The following GLT8D2 variants were observed in gnomAD, a reference collection of about 807,000 sequenced individuals.
GLT8D2 encodes glycosyltransferase 8 domain containing 2, also known as glycosyltransferase 8 domain-containing protein 2.
A neutral mutation model predicts 44.5 loss-of-function variants in GLT8D2; 45 were observed. The ratio of observed to expected loss-of-function variants is 1.01; its 90% CI spans 0.80 to 1.30. GLT8D2 has a LOEUF of 1.30. Ranked by LOEUF, GLT8D2 falls within the 50% of genes most tolerant of loss-of-function variation. The pLI is 0.00. For missense variants in GLT8D2, 400 were observed against 430.4 expected, an observed-to-expected ratio of 0.93 and a Z score of 0.62; for synonymous variants, 156 against 157.2, an observed-to-expected ratio of 0.99 and a Z score of 0.06.
chr12:104,059,354 G>C (rs1260857472), intron 1 of GLT8D2, among the ~76,000 whole-genome samples: 2 of 152,098 alleles, frequency 1.3e-5, no homozygotes, highest in South Asian at 4.1e-4. Flanking sequence ...GTAATTTCCA[G>C]TGGAGCTGCT....
At chr12:104,049,334 C>T (rs887888434) in intron 1 of GLT8D2, 9 of 151,686 alleles carry the variant, frequency 5.9e-5, no homozygotes. Flanking sequence ...GTGACACTTG[C>T]TTATAAAGTA....
chr12:104,000,786 G>A (rs1874109085), intron 5 of GLT8D2, among the ~76,000 whole-genome samples: 1 of 152,170 alleles, frequency 6.6e-6, no homozygotes, highest in East Asian at 1.9e-4. Context: ...TAAGGAGAGT[G>A]AGAAATGAGA....
intron 9 of GLT8D2, chr12:103,993,970 T>TA (rs1293298584): frequency 6.1e-6 from 1 of 163,436 alleles, no homozygotes; most frequent in Non-Finnish European, 1.3e-5. Context: ...AAATAAACCT[T>TA]AAAAAGCAAA....
chr12:103,993,285 C>A, intron 10 of GLT8D2, 107 bp downstream of exon 10: 1 of 827,830 alleles, frequency 1.2e-6, no homozygotes, highest in South Asian at 1.5e-5. Context: ...GAGCCGAGAT[C>A]ACGCCATTGC....
At chr12:103,992,122 C>T (rs1332103401) in intron 10 of GLT8D2, among the ~76,000 whole-genome samples, 1 of 152,154 alleles carries the variant, frequency 6.6e-6, no homozygotes, top group South Asian at 2.1e-4. Context: ...TCTGGCCCAG[C>T]GGTTTTGGAT....
In GLT8D2 at chr12:104,063,688, T is replaced by C. The variant is rs561156082; in HGVS notation, c.-423+261A>G. Among the ~76,000 whole-genome samples, 32 of 152,344 alleles carry C rather than the reference T, an allele frequency of 2.1e-4. No individual in the cohort carries two copies. In the South Asian group the frequency reaches 6.6e-3, roughly 32 times the overall value. The stretch of plus-strand genomic sequence containing the variant: ...AATCAGAAGCCCTGTGTTGGAATCC[T>C]GGCCCCAGTCTTTTTTTTCAACACC... On this transcript the variant is annotated intron_variant, in intron 1 of 10. Coordinates refer to the GLT8D2 transcript ENST00000548660.
At chr12:104,011,105 C>G (rs1027186307) in intron 4 of GLT8D2, among the ~76,000 whole-genome samples, 2 of 152,220 alleles carry the variant, frequency 1.3e-5, no homozygotes, top group Non-Finnish European at 2.9e-5. Context: ...AAATACTGCT[C>G]TCTGCCAAAA....
Position 103,989,508 on chromosome 12 carries a change from C to G in GLT8D2, c.950G>C (p.Arg317Thr). The change falls in exon 11 of 11, where the codon AGA (arginine) becomes ACA (threonine). Residue 317 changes from arginine (R) to threonine (T), a missense_variant. Transcript: ENST00000360814. Reference protein sequence around the residue: ...QEAKLLHWNGRHKPWDFPSVH... With the variant: ...QEAKLLHWNGTHKPWDFPSVH... ...ACTAGGGAAGTCCCAAGGTTTATGT[C>G]TTCCATTCCAGTGGAGTAATTTAGC... The G allele has an allele frequency of 6.2e-7, 1 of 1,613,692 alleles. No homozygotes were observed. The highest frequency in any genetic ancestry group is 8.5e-7 in the Non-Finnish European group (1 of 1,179,728).
At chr12:104,021,945 GAAGAAGAA>G (rs1566202511) in intron 1 of GLT8D2, among the ~76,000 whole-genome samples, 3 of 24,104 alleles carry the variant, frequency 1.2e-4, no homozygotes, top group African/African-American at 4.3e-4. Context: ...AGAAGAAGAA[GAAGAAGAA>G]GAGGAAGAAG....
At chr12:104,004,925 T>A (rs1035726255) in intron 4 of GLT8D2, among the ~76,000 whole-genome samples, 1 of 152,050 alleles carries the variant, frequency 6.6e-6, no homozygotes, top group African/African-American at 2.4e-5. Flanking sequence ...CATCGCCAAG[T>A]CAATCCTAAG....
rs371224459 is a variant in GLT8D2 at position 104,033,140 on chromosome 12, C to T, written c.-163-11649G>A. Among the ~76,000 whole-genome samples, 9 of 152,250 alleles carry T rather than the reference C, an allele frequency of 5.9e-5. No individual in the cohort carries two copies. The East Asian group carries it at 1.4e-3, about 23-fold the overall frequency. On this transcript the variant is annotated intron_variant, in intron 1 of 10. Transcript: ENST00000360814. ...CAGGTGATCTGCCCACCTCAGCCTC[C>T]CAAAGTGCTGGGATTACAGGTGTGA...
intron 1 of GLT8D2, among the ~76,000 whole-genome samples, chr12:104,030,531 A>T (rs1207340008): frequency 6.6e-6 from 1 of 152,128 alleles, no homozygotes; most frequent in Non-Finnish European, 1.5e-5. Flanking sequence ...AACAAAAACA[A>T]ACAAGTGGGA....
At chr12:104,023,570 T>A (rs759604672) in intron 1 of GLT8D2, among the ~76,000 whole-genome samples, 3 of 152,204 alleles carry the variant, frequency 2.0e-5, no homozygotes, top group Non-Finnish European at 4.4e-5. Flanking sequence ...AATTTCCTTT[T>A]TTTTCTATAG....
At chr12:104,048,988 T>G (rs917130293) in intron 1 of GLT8D2, among the ~76,000 whole-genome samples, 14 of 152,230 alleles carry the variant, frequency 9.2e-5, no homozygotes, top group Non-Finnish European at 1.8e-4. Flanking sequence ...CCCCAGAGCC[T>G]ATGTTCTTAC....
At chr12:104,016,029 G>C (rs1051121118) in intron 3 of GLT8D2, among the ~76,000 whole-genome samples, 4 of 152,138 alleles carry the variant, frequency 2.6e-5, no homozygotes, top group Non-Finnish European at 4.4e-5. Flanking sequence ...TCTGCAAACA[G>C]GATAATTTGA....
In GLT8D2 at chr12:103,994,516, G is replaced by T; in HGVS notation, c.601-15C>A. 1 of 1,584,536 alleles carries T rather than the reference G, an allele frequency of 6.3e-7. No individual in the cohort carries two copies. The highest frequency in any genetic ancestry group is 8.6e-7 in the Non-Finnish European group (1 of 1,163,724). On this transcript the variant is annotated splice_polypyrimidine_tract_variant and intron_variant, in intron 8 of 10. Coordinates refer to ENST00000360814, the MANE Select transcript of GLT8D2 (RefSeq NM_001384711.1). ...ATATATGTGTTCTGTAAGGGAACAG[G>T]ATGTGCATGCTTTTGACCAGCGAAT...
rs763800115 is a variant in GLT8D2 at position 104,027,401 on chromosome 12, C to T, written c.-163-5910G>A. Among the ~76,000 whole-genome samples the T allele has an allele frequency of 6.6e-5, 10 of 152,334 alleles. No homozygotes were observed. In the South Asian group the frequency reaches 1.9e-3, roughly 28 times the overall value. On this transcript the variant is annotated intron_variant, in intron 1 of 10. Coordinates refer to ENST00000360814, the MANE Select transcript of GLT8D2 (RefSeq NM_001384711.1). ...AGCCATCTGGTATCACAGGAGAGAA[C>T]GGGGCAAAGACCAGAAGGAAGCTGA... is the stretch of plus-strand genomic sequence containing the variant.
At chr12:104,056,550 T>G (rs1335819518) in intron 1 of GLT8D2, among the ~76,000 whole-genome samples, 2 of 152,262 alleles carry the variant, frequency 1.3e-5, no homozygotes, top group Non-Finnish European at 2.9e-5. Flanking sequence ...AACAATCTAC[T>G]ACTTATTAAA....
chr12:104,002,013 T>C (rs1451122500), intron 5 of GLT8D2, among the ~76,000 whole-genome samples: 1 of 152,226 alleles, frequency 6.6e-6, no homozygotes, highest in African/African-American at 2.4e-5. Flanking sequence ...TCTCACTCTG[T>C]TGCCCAGGCT....
Sources: allele counts gnomAD v4.1 joint callset (sites outside exome capture counted in the v4.1 genomes callset), GRCh38; gene constraint gnomAD v4.1.1; transcripts MANE v1.5; gene names NCBI Gene and HGNC (gene_info 2026-07-23, HGNC 2026-07-21).